The following CNTNAP2 variants were observed in gnomAD, a reference collection of about 807,000 sequenced individuals.
CNTNAP2 encodes contactin associated protein 2, also known as contactin-associated protein-like 2.
In CNTNAP2, 98 loss-of-function variants were observed where a neutral mutation model predicts 155.2. The ratio of observed to expected loss-of-function variants is 0.63; its 90% CI spans 0.54 to 0.75. CNTNAP2 has a LOEUF of 0.75. Ranked by LOEUF, CNTNAP2 falls within the 30% of genes least tolerant of loss-of-function variation. The probability of loss-of-function intolerance (pLI) is 0.00; values close to 1 mark genes in which losing one functional copy is unlikely to be tolerated. For synonymous variants in CNTNAP2, 651 were observed against 631.2 expected (o/e 1.03, Z -0.47); for missense variants, 1,727 against 1,688.1 (o/e 1.02, Z -0.40).
chr7:148,183,278 T>A (rs1472070329), intron 18 of CNTNAP2, among the ~76,000 whole-genome samples: 5 of 152,334 alleles, frequency 3.3e-5, no homozygotes, highest in Middle Eastern at 3.4e-3. Flanking sequence ...TTCAAAGTCT[T>A]GTCCAAGGAC....
chr7:146,871,654 T>C (rs1202185895), intron 3 of CNTNAP2, among the ~76,000 whole-genome samples: 1 of 152,062 alleles, frequency 6.6e-6, no homozygotes, highest in African/African-American at 2.4e-5. Context: ...ATTTAACAAT[T>C]ATTGTAAACT....
At chr7:148,042,303 T>C (rs147780770) in intron 15 of CNTNAP2, among the ~76,000 whole-genome samples, 1 of 152,320 alleles carries the variant, frequency 6.6e-6, no homozygotes, top group African/African-American at 2.4e-5. Flanking sequence ...TACCATGAAG[T>C]ATCCAAAGTA....
intron 1 of CNTNAP2, among the ~76,000 whole-genome samples, chr7:146,258,809 A>C (rs1210275650): frequency 6.6e-6 from 1 of 152,182 alleles, no homozygotes; most frequent in Non-Finnish European, 1.5e-5. Flanking sequence ...ATAATCTGAG[A>C]TAATGTTTGG....
intron 5 of CNTNAP2, among the ~76,000 whole-genome samples, chr7:147,118,186 AAATGG>A (rs1309833268): frequency 6.6e-6 from 1 of 152,168 alleles, no homozygotes; most frequent in Non-Finnish European, 1.5e-5. Flanking sequence ...GTATTTGACA[AAATGG>A]ATCCTTTGTA....
intron 1 of CNTNAP2, among the ~76,000 whole-genome samples, chr7:146,362,916 G>A (rs753052151): frequency 1.0e-3 from 155 of 151,966 alleles, no homozygotes; most frequent in Non-Finnish European, 1.7e-3. Flanking sequence ...GACTACAGGC[G>A]TGTGCCACCA....
At chr7:146,306,200 G>T (rs1321016145) in intron 1 of CNTNAP2, among the ~76,000 whole-genome samples, 1 of 152,128 alleles carries the variant, frequency 6.6e-6, no homozygotes, top group African/African-American at 2.4e-5. Flanking sequence ...AAACCAGGAA[G>T]GAGTTGAATC....
At chr7:147,639,385 G>A (rs1795238890) in intron 13 of CNTNAP2, 79 bp downstream of exon 13, 3 of 1,352,792 alleles carry the variant, frequency 2.2e-6, no homozygotes, top group South Asian at 2.5e-5. Context: ...CAACAGGTGT[G>A]GTTCATTATC....
At chr7:147,546,343 A>G (rs1354778887) in intron 11 of CNTNAP2, among the ~76,000 whole-genome samples, 1 of 152,190 alleles carries the variant, frequency 6.6e-6, no homozygotes, top group Non-Finnish European at 1.5e-5. Flanking sequence ...GGAACTATTA[A>G]TAATTTTATT....
At chr7:147,148,154 G>T (rs894039913) in intron 8 of CNTNAP2, among the ~76,000 whole-genome samples, 3 of 152,034 alleles carry the variant, frequency 2.0e-5, no homozygotes, top group Non-Finnish European at 2.9e-5. Context: ...ACTTTGGGAG[G>T]CCGAGGCGGG....
At chr7:146,122,089 CTA>C (rs1797571411) in intron 1 of CNTNAP2, among the ~76,000 whole-genome samples, 1 of 152,196 alleles carries the variant, frequency 6.6e-6, no homozygotes, top group Non-Finnish European at 1.5e-5. Flanking sequence ...CTCTTAGAGT[CTA>C]TGTCTACAGT....
intron 1 of CNTNAP2, among the ~76,000 whole-genome samples, chr7:146,440,166 A>G (rs1162297975): frequency 4.0e-5 from 6 of 151,596 alleles, no homozygotes; most frequent in Non-Finnish European, 8.8e-5. Context: ...CTATATTAAC[A>G]TAAGTATATT....
chr7:146,893,414 T>C (rs955459481), intron 3 of CNTNAP2, among the ~76,000 whole-genome samples: 29 of 151,590 alleles, frequency 1.9e-4, no homozygotes, highest in South Asian at 4.2e-4. Flanking sequence ...CATATATACA[T>C]ATATGTATAT....
chr7:146,843,445 T>G (rs1388358676), intron 3 of CNTNAP2, among the ~76,000 whole-genome samples: 4 of 152,142 alleles, frequency 2.6e-5, no homozygotes, highest in Non-Finnish European at 5.9e-5. Context: ...GATTACAATT[T>G]GACATGAGAT....
intron 14 of CNTNAP2, among the ~76,000 whole-genome samples, chr7:147,930,075 G>A (rs561654642): frequency 3.3e-5 from 5 of 152,042 alleles, no homozygotes; most frequent in African/African-American, 4.8e-5. Flanking sequence ...GACTGGTACC[G>A]GTCCATAGCC....
intron 1 of CNTNAP2, among the ~76,000 whole-genome samples, chr7:146,350,492 C>G (rs1019409975): frequency 2.6e-4 from 40 of 151,996 alleles, no homozygotes; most frequent in Non-Finnish European, 4.3e-4. Context: ...CCATCTCACA[C>G]CAGTTAGAAT....
At chr7:148,100,647 A>G (rs1469860238) in intron 15 of CNTNAP2, among the ~76,000 whole-genome samples, 1 of 152,192 alleles carries the variant, frequency 6.6e-6, no homozygotes, top group Non-Finnish European at 1.5e-5. Context: ...ACATAGATCG[A>G]TTTTATGGTT....
intron 10 of CNTNAP2, among the ~76,000 whole-genome samples, chr7:147,441,842 T>TCC (rs1554485008): frequency 1.4e-4 from 16 of 114,484 alleles, no homozygotes; most frequent in African/African-American, 5.0e-4. Context: ...TCTCTCTCTC[T>TCC]CTCTCTCTCC....
chr7:148,160,369 C>G (rs1317756816), intron 17 of CNTNAP2, among the ~76,000 whole-genome samples: 1 of 150,906 alleles, frequency 6.6e-6, no homozygotes, highest in Non-Finnish European at 1.5e-5. Context: ...CGTGATCACA[C>G]TACTGTACTA....
At chr7:147,334,396 T>C (rs1157515939) in intron 9 of CNTNAP2, among the ~76,000 whole-genome samples, 1 of 152,242 alleles carries the variant, frequency 6.6e-6, no homozygotes, top group African/African-American at 2.4e-5. Context: ...TTGACTGTAG[T>C]TCTTCCCTTG....
Sources: allele counts gnomAD v4.1 joint callset (sites outside exome capture counted in the v4.1 genomes callset), GRCh38; gene constraint gnomAD v4.1.1; transcripts MANE v1.5; gene names NCBI Gene and HGNC (gene_info 2026-07-23, HGNC 2026-07-21).